The following ESF1 variants were observed in gnomAD, a reference collection of about 807,000 sequenced individuals.
ESF1 encodes ESF1 nucleolar pre-rRNA processing protein, also known as ESF1 homolog.
ESF1 carries 58 observed loss-of-function variants against 92.0 expected under a neutral mutation model. The ratio of observed to expected loss-of-function variants is 0.63; its 90% confidence interval spans 0.51 to 0.78. The LOEUF (loss-of-function observed/expected upper bound fraction) is 0.78. ESF1 is among the 30% of genes least tolerant of loss of function. The pLI, the probability that ESF1 is intolerant of heterozygous loss-of-function variation, is 0.00. For missense variants in ESF1, 922 were observed against 989.1 expected, an observed-to-expected ratio of 0.93 and a Z score of 0.91; for synonymous variants, 321 against 313.7, an observed-to-expected ratio of 1.02 and a Z score of -0.24.
At chr20:13,763,888 A>G (rs1282680631) in intron 8 of ESF1, among the ~76,000 whole-genome samples, 2 of 152,230 alleles carry the variant, frequency 1.3e-5, no homozygotes, top group Non-Finnish European at 2.9e-5. Flanking sequence ...TGAACAAAGA[A>G]ACCAGAATGA....
intron 5 of ESF1, among the ~76,000 whole-genome samples, chr20:13,771,948 G>A (rs1600292771): frequency 7.5e-6 from 1 of 133,584 alleles, no homozygotes; most frequent in Admixed American, 8.0e-5. Context: ...TCCACACAAA[G>A]CACTGATACA....
intron 2 of ESF1, among the ~76,000 whole-genome samples, chr20:13,776,804 A>G (rs952790216): frequency 6.6e-6 from 1 of 152,202 alleles, no homozygotes; most frequent in Admixed American, 6.5e-5. Context: ...TTAAATAGTC[A>G]AAGTTAGACT....
intron 9 of ESF1, among the ~76,000 whole-genome samples, chr20:13,740,206 T>G (rs2050002865): frequency 6.6e-6 from 1 of 152,208 alleles, no homozygotes; most frequent in Non-Finnish European, 1.5e-5. Flanking sequence ...TGACACAGGC[T>G]TCTGCAATTC....
At chr20:13,771,736 A>T (rs554950489) in intron 5 of ESF1, among the ~76,000 whole-genome samples, 187 of 152,218 alleles carry the variant, frequency 1.2e-3, no homozygotes, top group African/African-American at 4.2e-3. Context: ...GTTTATCTAT[A>T]ATTTAACTCA....
rs899851344 is a variant in ESF1, at chr20:13,730,127, C to T, written c.1951-1662G>A. Among the ~76,000 whole-genome samples the T allele has an allele frequency of 3.3e-5, 5 of 152,160 alleles. No homozygotes were observed. The East Asian group carries it at 9.7e-4, about 29-fold the overall frequency. ...TGCTCTTGTTGCCCAGGCTGGCTTG[C>T]AGTGGCGTGACCTCAGTTCACTGCA... On this transcript the variant is annotated intron_variant, in intron 10 of 13. Coordinates refer to ENST00000617257, the MANE Select transcript of ESF1 (RefSeq NM_001276380.2).
chr20:13,732,186 T>C (rs1454365656), intron 10 of ESF1, among the ~76,000 whole-genome samples: 1 of 152,104 alleles, frequency 6.6e-6, no homozygotes, highest in Non-Finnish European at 1.5e-5. Context: ...CCCCAATCTA[T>C]GGGATCTGAC....
intron 9 of ESF1, among the ~76,000 whole-genome samples, chr20:13,743,651 A>G (rs1162384659): frequency 6.6e-6 from 1 of 152,212 alleles, no homozygotes; most frequent in African/African-American, 2.4e-5. Context: ...AGTAGAGTTC[A>G]TTTATATGTG....
intron 6 of ESF1, among the ~76,000 whole-genome samples, chr20:13,770,413 G>A (rs6079168): frequency 2.0e-5 from 3 of 152,222 alleles, no homozygotes; most frequent in Non-Finnish European, 4.4e-5. Context: ...CCATCACCCA[G>A]GTTGGAGGTC....
chr20:13,721,271 C>T (rs2049866394), intron 11 of ESF1, among the ~76,000 whole-genome samples: 2 of 152,214 alleles, frequency 1.3e-5, no homozygotes, highest in South Asian at 2.1e-4. Flanking sequence ...GAAATTATTT[C>T]GCCTATCTCA....
At chr20:13,738,020 A>C (rs564768331) in intron 9 of ESF1, among the ~76,000 whole-genome samples, 1 of 152,304 alleles carries the variant, frequency 6.6e-6, no homozygotes, top group South Asian at 2.1e-4. Context: ...GTGTCATCAA[A>C]GACACTCCTT....
intron 2 of ESF1, among the ~76,000 whole-genome samples, 180 bp downstream of exon 2, chr20:13,782,324 A>G (rs532302666): frequency 6.6e-6 from 1 of 152,362 alleles, no homozygotes; most frequent in African/African-American, 2.4e-5. Context: ...TCTGTCTTCT[A>G]GCACCACATC....
chr20:13,772,083 T>A (rs890060040), intron 5 of ESF1, among the ~76,000 whole-genome samples: 7 of 151,576 alleles, frequency 4.6e-5, no homozygotes, highest in Non-Finnish European at 2.9e-5. Context: ...TTTTCTATAT[T>A]GCACCATGAT....
intron 7 of ESF1, among the ~76,000 whole-genome samples, chr20:13,768,897 CA>C (rs574502122): frequency 3.4e-5 from 2 of 59,184 alleles, no homozygotes; most frequent in Admixed American, 2.1e-4. Context: ...ACTCTAGTCT[CA>C]AAAAAAAAAA....
chr20:13,764,564 G>A (rs1015357329), intron 8 of ESF1, among the ~76,000 whole-genome samples: 1 of 152,090 alleles, frequency 6.6e-6, no homozygotes, highest in African/African-American at 2.4e-5. Context: ...ACTGTGCAGT[G>A]GAAGCCTTAC....
chr20:13,741,909 AG>A (rs1434469688), intron 9 of ESF1, among the ~76,000 whole-genome samples: 3 of 152,226 alleles, frequency 2.0e-5, no homozygotes, highest in Non-Finnish European at 4.4e-5. Context: ...AGCTGCTAAA[AG>A]CCAACAGGAA....
At chr20:13,721,636 C>T (rs1211517984) in intron 11 of ESF1, among the ~76,000 whole-genome samples, 2 of 152,148 alleles carry the variant, frequency 1.3e-5, no homozygotes, top group African/African-American at 4.8e-5. Context: ...TCAAAAGAGG[C>T]TTTAGAAACT....
chr20:13,772,630 A>T lies in ESF1; in HGVS notation c.1150-15T>A. 6.4e-7 allele frequency: 1 copy of T among 1,551,352 alleles called. No homozygotes were observed. Among genetic ancestry groups the T allele is most frequent in the Non-Finnish European group, 8.9e-7 (1 of 1,125,342 alleles). On this transcript the variant is annotated splice_polypyrimidine_tract_variant and intron_variant, in intron 4 of 13. Coordinates refer to ENST00000617257, the MANE Select transcript of ESF1 (RefSeq NM_001276380.2). ...GAAGGATATATCTAAACAGAAAAAA[A>T]TAGGATCAATGTAATTTGTACATTC... is the stretch of plus-strand genomic sequence containing the variant.
intron 9 of ESF1, among the ~76,000 whole-genome samples, chr20:13,755,423 G>T (rs1978848729): frequency 6.6e-6 from 1 of 151,990 alleles, no homozygotes; most frequent in Non-Finnish European, 1.5e-5. Flanking sequence ...TTAATACAGG[G>T]GAAGTTATAT....
intron 5 of ESF1, 133 bp downstream of exon 5, chr20:13,772,382 C>G (rs564263637): frequency 1.2e-5 from 7 of 604,738 alleles, no homozygotes; most frequent in South Asian, 4.8e-5. Context: ...GACTTTAAAT[C>G]TGTTTTGCAA....
Sources: gnomAD v4.1 joint callset for allele counts (sites outside exome capture counted in the v4.1 genomes callset) on GRCh38, gnomAD v4.1.1 for gene constraint, MANE v1.5 for transcripts, NCBI Gene and HGNC (gene_info 2026-07-23, HGNC 2026-07-21) for gene names.